Variants in PRKCA observed in about 807,000 individuals in gnomAD.
The protein encoded by PRKCA is protein kinase C alpha type.
Under a neutral mutation model 87.0 loss-of-function variants are expected in PRKCA, and 27 were observed. That is an observed-to-expected ratio of 0.31 (90% confidence interval 0.23 to 0.43). The LOEUF (loss-of-function observed/expected upper bound fraction) is 0.43, where lower values mean the gene tolerates loss of function less well. Ranked by LOEUF, PRKCA falls within the 20% of genes least tolerant of loss-of-function variation. PRKCA has a pLI of 1.00. For synonymous variants in PRKCA, 329 were observed against 311.1 expected (o/e 1.06, Z -0.61); for missense variants, 518 against 852.3 (o/e 0.61, Z 4.88).
intron 3 of PRKCA, among the ~76,000 whole-genome samples, chr17:66,559,454 G>A (rs115921423): frequency 0.015 from 1,792 of 117,336 alleles, 39 homozygotes; most frequent in African/African-American, 0.056. Flanking sequence ...CAGCCTGGGC[G>A]CAACAGAGTG....
intron 3 of PRKCA, among the ~76,000 whole-genome samples, chr17:66,575,845 G>A (rs1409701117): frequency 2.0e-5 from 3 of 152,116 alleles, no homozygotes; most frequent in African/African-American, 4.8e-5. Context: ...GACCGGGCAC[G>A]TGGCTCATGC....
At chr17:66,638,087 T>C (rs112041974) in intron 3 of PRKCA, among the ~76,000 whole-genome samples, 8,113 of 151,914 alleles carry the variant, frequency 0.053, 289 homozygotes, top group Admixed American at 0.078. Context: ...TTTACAAAAA[T>C]AGGTGGTGGA....
chr17:66,478,801 C>T (rs1047462017), intron 2 of PRKCA, among the ~76,000 whole-genome samples: 3 of 152,160 alleles, frequency 2.0e-5, no homozygotes, highest in African/African-American at 7.2e-5. Flanking sequence ...TCTCTTGCAA[C>T]AACTTACAGT....
chr17:66,511,167 C>T (rs989644904), intron 3 of PRKCA, among the ~76,000 whole-genome samples: 2 of 152,148 alleles, frequency 1.3e-5, no homozygotes, highest in Admixed American at 1.3e-4. Flanking sequence ...TCCTCCTCAT[C>T]CCTTTTTCAA....
intron 8 of PRKCA, among the ~76,000 whole-genome samples, chr17:66,727,521 T>C (rs910719542): frequency 1.3e-5 from 2 of 152,152 alleles, no homozygotes; most frequent in Non-Finnish European, 2.9e-5. Flanking sequence ...TTGGGTCCAG[T>C]TGGTCTTAGC....
chr17:66,629,167 T>C (rs1013914216), intron 3 of PRKCA, among the ~76,000 whole-genome samples: 2 of 152,216 alleles, frequency 1.3e-5, no homozygotes, highest in African/African-American at 2.4e-5. Flanking sequence ...GATTTGGACT[T>C]GGCAGTCGAG....
chr17:66,473,971 G>A (rs57178647), intron 2 of PRKCA, among the ~76,000 whole-genome samples: 32,038 of 152,042 alleles, frequency 0.21, 3,576 homozygotes, highest in Middle Eastern at 0.24. Context: ...AAGCCAGACC[G>A]TCAGGATTCA....
intron 8 of PRKCA, among the ~76,000 whole-genome samples, chr17:66,694,912 A>C (rs1190134847): frequency 6.6e-6 from 1 of 151,836 alleles, no homozygotes; most frequent in Non-Finnish European, 1.5e-5. Context: ...TTTATCCGTC[A>C]GTTGATTCTT....
intron 14 of PRKCA, among the ~76,000 whole-genome samples, chr17:66,786,428 C>T (rs867344085): frequency 2.6e-5 from 4 of 152,296 alleles, no homozygotes; most frequent in South Asian, 2.1e-4. Context: ...TCTTAGGCCA[C>T]GTTCTCAAGT....
intron 2 of PRKCA, among the ~76,000 whole-genome samples, chr17:66,458,311 T>TA (rs2143951207): frequency 6.6e-6 from 1 of 152,238 alleles, no homozygotes; most frequent in African/African-American, 2.4e-5. Context: ...AAGTTATATC[T>TA]AAAACCTTGA....
At chr17:66,703,249 T>G (rs1464633658) in intron 8 of PRKCA, 1 of 152,238 alleles carries the variant, frequency 6.6e-6, no homozygotes, top group African/African-American at 2.4e-5. Context: ...AAAAATATTT[T>G]TATCTCCTTA....
At chr17:66,757,402 T>G (rs1181937072) in intron 13 of PRKCA, among the ~76,000 whole-genome samples, 1 of 151,882 alleles carries the variant, frequency 6.6e-6, no homozygotes, top group East Asian at 1.9e-4. Context: ...TCCAGGAAGC[T>G]CAAATGACAC....
intron 2 of PRKCA, among the ~76,000 whole-genome samples, chr17:66,404,731 G>T: frequency 7.2e-6 from 1 of 138,384 alleles, no homozygotes; most frequent in Non-Finnish European, 1.6e-5. Flanking sequence ...CTGCTGGAAA[G>T]GATGGTAGGC....
intron 8 of PRKCA, among the ~76,000 whole-genome samples, chr17:66,727,547 C>T (rs974048007): frequency 1.3e-5 from 2 of 152,146 alleles, no homozygotes; most frequent in Non-Finnish European, 2.9e-5. Flanking sequence ...TGGCCCACAT[C>T]CTGATGTTTA....
rs1368430629 is a variant in PRKCA at position 66,309,519 on chromosome 17, C to T, written c.205+3392C>T. 4.6e-5 allele frequency among the ~76,000 whole-genome samples: 7 copies of T among 152,258 alleles called. No individual in the cohort carries two copies. The East Asian group carries it at 1.4e-3, about 29-fold the overall frequency. On this transcript the variant is annotated intron_variant, in intron 2 of 16. Coordinates refer to ENST00000413366, the MANE Select transcript of PRKCA (RefSeq NM_002737.3). The stretch of plus-strand genomic sequence containing the variant: ...ATTACCAGGGCAAGTAACACAGGAT[C>T]CCGTTGTCAGAATTTGCTGCCTGAA...
chr17:66,344,472 A>C (rs974924266), intron 2 of PRKCA, among the ~76,000 whole-genome samples: 1 of 152,174 alleles, frequency 6.6e-6, no homozygotes, highest in Non-Finnish European at 1.5e-5. Context: ...GCTGGCCAAC[A>C]TGGTGAAACC....
chr17:66,534,387 G>A (rs927364830), intron 3 of PRKCA, among the ~76,000 whole-genome samples: 1 of 152,096 alleles, frequency 6.6e-6, no homozygotes, highest in South Asian at 2.1e-4. Context: ...TGTTGATTGG[G>A]CTGGGTGTGG....
At chr17:66,619,503 A>G (rs1377689125) in intron 3 of PRKCA, among the ~76,000 whole-genome samples, 2 of 152,146 alleles carry the variant, frequency 1.3e-5, no homozygotes, top group Non-Finnish European at 2.9e-5. Context: ...CACATGGCCT[A>G]TTTTCCCCAT....
chr17:66,334,016 C>T (rs1247108952), intron 2 of PRKCA, among the ~76,000 whole-genome samples: 7 of 152,078 alleles, frequency 4.6e-5, no homozygotes, highest in South Asian at 2.1e-4. Flanking sequence ...TTTGGGAGGC[C>T]GAGGTGGGTG....
Sources: allele counts gnomAD v4.1 joint callset (sites outside exome capture counted in the v4.1 genomes callset), GRCh38; gene constraint gnomAD v4.1.1; transcripts MANE v1.5; gene names NCBI Gene and HGNC (gene_info 2026-07-23, HGNC 2026-07-21).